The following SIGLEC7 variants were observed in gnomAD, a reference collection of about 807,000 sequenced individuals.
The protein encoded by SIGLEC7 is sialic acid-binding Ig-like lectin 7.
Under a neutral mutation model 40.8 loss-of-function variants are expected in SIGLEC7, and 33 were observed. The ratio of observed to expected loss-of-function variants is 0.81; its 90% confidence interval spans 0.61 to 1.08. The LOEUF (loss-of-function observed/expected upper bound fraction) is 1.08. SIGLEC7 is among the 50% of genes least tolerant of loss of function. The probability of loss-of-function intolerance (pLI) is 0.00; values close to 1 mark genes in which losing one functional copy is unlikely to be tolerated. For synonymous variants in SIGLEC7, 242 were observed against 237.6 expected, an observed-to-expected ratio of 1.02 and a Z score of -0.17; for missense variants, 513 against 576.1, an observed-to-expected ratio of 0.89 and a Z score of 1.12.
chr19:51,144,887 A>G lies in SIGLEC7; in HGVS notation c.713-25A>G, dbSNP rs1428903228. On this transcript the variant is annotated intron_variant, in intron 2 of 6. Coordinates refer to ENST00000317643, the MANE Select transcript of SIGLEC7 (RefSeq NM_014385.4). ...GTGTCCCCAGCCCTCACAGTGATGCAGGTCTCCATGTCTTTCTGTCCCAGA... is the reference window on the plus strand; with the variant it reads ...GTGTCCCCAGCCCTCACAGTGATGCGGGTCTCCATGTCTTTCTGTCCCAGA... 5 of 1,612,904 alleles carry G rather than the reference A, an allele frequency of 3.1e-6. No individual in the cohort carries two copies. In the African/African-American group the frequency reaches 6.7e-5, roughly 22 times the overall value.
In SIGLEC7 at chr19:51,153,270, T is replaced by C. The variant is rs753995128; in HGVS notation, c.*25T>C. On this transcript the variant is annotated 3_prime_UTR_variant, in exon 7 of 7. Transcript: ENST00000317643. Reference sequence around the variant, plus strand: ...AGAAAATGCAGAGGCTCGGGCTTGTTTGAGGGTTCACGACCCCTCCAGCAA... The same window carrying C: ...AGAAAATGCAGAGGCTCGGGCTTGTCTGAGGGTTCACGACCCCTCCAGCAA... 1.9e-5 allele frequency: 29 copies of C among 1,519,100 alleles called. No individual in the cohort carries two copies. The highest frequency in any genetic ancestry group is 2.3e-5 in the Non-Finnish European group (26 of 1,127,976). 94.1% of individuals were successfully genotyped at this position (1,519,100 alleles called of 1,614,324 possible).
In SIGLEC7 at chr19:51,142,879, T is replaced by G; in HGVS notation, c.433+77T>G. ...GGGCACGGCTGAGACGGGACACATGTCCTGGGAGGGGGCCGGGGGTGATGG... is the reference window on the plus strand; with the variant it reads ...GGGCACGGCTGAGACGGGACACATGGCCTGGGAGGGGGCCGGGGGTGATGG... On this transcript the variant is annotated intron_variant, in intron 1 of 6. Coordinates refer to ENST00000317643, the MANE Select transcript of SIGLEC7 (RefSeq NM_014385.4). The surrounding 1 kb of genome is among the most constrained non-coding windows in gnomAD (Gnocchi z 5.0). The G allele has an allele frequency of 6.9e-7, 1 of 1,446,620 alleles. No individual in the cohort carries two copies. The highest frequency in any genetic ancestry group is 9.4e-7 in the Non-Finnish European group (1 of 1,064,908). The allele number at this position is 1,446,620 out of a possible 1,614,324, so 89.6% of individuals were successfully genotyped here. A position where few individuals can be genotyped will look rare whatever the true frequency, so the allele number is the denominator to read the frequency against.
Position 51,144,966 on chromosome 19 carries a change from T to C in SIGLEC7, c.760+7T>C, listed in dbSNP as rs2092097730. 2 of 1,613,896 alleles carry C rather than the reference T, an allele frequency of 1.2e-6. No individual in the cohort carries two copies. Among genetic ancestry groups the C allele is most frequent in the Non-Finnish European group, 1.7e-6 (2 of 1,179,820 alleles). ...TTCCAAGGAGAAGGCACAGGTAGGA[T>C]GGAGCCCCCTCCCTGGGGCTGGGGG... is the stretch of plus-strand genomic sequence containing the variant. On this transcript the variant is annotated splice_region_variant and intron_variant, in intron 3 of 6. Transcript: ENST00000317643.
In SIGLEC7 at chr19:51,145,153, T is replaced by C. The variant is rs1439574857; in HGVS notation, c.760+194T>C. On this transcript the variant is annotated intron_variant, in intron 3 of 6. Transcript: ENST00000317643. The surrounding 1 kb of genome is among the most constrained non-coding windows in gnomAD (Gnocchi z 4.3). ...CTTCCCCCCACTCCCCTCAGACTCT[T>C]GCACACACACCCTCCTCAGCCCTGC... 1.3e-5 allele frequency among the ~76,000 whole-genome samples: 2 copies of C among 152,052 alleles called. No homozygotes were observed. The highest frequency in any genetic ancestry group is 2.9e-5 in the Non-Finnish European group (2 of 67,984).
At chr19:51,146,705 A>G in intron 4 of SIGLEC7, 49 bp from the exon 5 acceptor site, 1 of 1,536,054 alleles carries the variant, frequency 6.5e-7, no homozygotes, top group African/African-American at 1.4e-5. Context: ...AGGAGAAGAG[A>G]CCCAGTTCTT....
At chr19:51,148,461 C>T (rs959959965) in intron 6 of SIGLEC7, among the ~76,000 whole-genome samples, 1 of 152,118 alleles carries the variant, frequency 6.6e-6, no homozygotes, top group African/African-American at 2.4e-5. Context: ...TTCCTGTGTT[C>T]GTTTGCTAAG....
In SIGLEC7 at chr19:51,144,582, C is replaced by T; in HGVS notation, c.610C>T (p.Leu204Phe). Residue 204 changes from leucine (L) to phenylalanine (F), a missense_variant, in exon 2 of 7, where the codon CTC (leucine) becomes TTC (phenylalanine). Coordinates refer to ENST00000317643, the MANE Select transcript of SIGLEC7 (RefSeq NM_014385.4). The part of the protein sequence containing the change: ...PSTTRSSVLT[L>F]IPQPQHHGTS... Reference sequence around the variant, plus strand: ...CACCACCCGCTCCTCAGTGCTCACCCTCATCCCACAGCCCCAGCACCACGG... The same window carrying T: ...CACCACCCGCTCCTCAGTGCTCACCTTCATCCCACAGCCCCAGCACCACGG... 1.2e-6 allele frequency: 2 copies of T among 1,613,946 alleles called. No homozygotes were observed. The highest frequency in any genetic ancestry group is 1.1e-5 in the South Asian group (1 of 91,078).
Position 51,145,877 on chromosome 19 carries a change from C to T in SIGLEC7, c.783C>T (p.Ser261=). 1 of 1,614,212 alleles carries T rather than the reference C, an allele frequency of 6.2e-7. No individual in the cohort carries two copies. The highest frequency in any genetic ancestry group is 2.2e-5 in the East Asian group (1 of 44,884). ...EGTASTALGN[S]SSLSVLEGQS... is the part of the protein sequence containing the mutation. Reference sequence around the variant, plus strand: ...CAGCATCCACAGCTCTGGGGAACAGCTCATCTCTTTCAGTCCTAGAGGGCC... The same window carrying T: ...CAGCATCCACAGCTCTGGGGAACAGTTCATCTCTTTCAGTCCTAGAGGGCC... The change falls in exon 4 of 7, where the codon AGC becomes AGT. Residue 261 remains serine, a synonymous_variant. Transcript: ENST00000317643. The surrounding 1 kb of genome is among the most constrained non-coding windows in gnomAD (Gnocchi z 4.3).
In SIGLEC7 at chr19:51,145,983, C is replaced by A. The variant is rs971763857; in HGVS notation, c.889C>A (p.Pro297Thr). The A allele has an allele frequency of 6.2e-7, 1 of 1,614,214 alleles. No individual in the cohort carries two copies. Among genetic ancestry groups the A allele is most frequent in the Non-Finnish European group, 8.5e-7 (1 of 1,180,040 alleles). Residue 297 changes from proline to threonine, a missense_variant, in exon 4 of 7, where the codon CCC (proline) becomes ACC (threonine). Coordinates refer to ENST00000317643, the MANE Select transcript of SIGLEC7 (RefSeq NM_014385.4). The surrounding 1 kb of genome is among the most constrained non-coding windows in gnomAD (Gnocchi z 4.3). Reference protein sequence around the residue: ...SWTWRSLTLYPSQPSNPLVLE... With the variant: ...SWTWRSLTLYTSQPSNPLVLE... ...GACCTGGAGGAGTCTGACCCTGTAC[C>A]CCTCACAGCCCTCAAACCCTCTGGT...
Position 51,146,219 on chromosome 19 carries a change from T to C in SIGLEC7, c.1027+98T>C, listed in dbSNP as rs898298153. ...TTCAAGGGGGAGCTCAGCTCTGGTCTGTGCTCAGCTGTGAGGCCTGGAACT... is the reference window on the plus strand; with the variant it reads ...TTCAAGGGGGAGCTCAGCTCTGGTCCGTGCTCAGCTGTGAGGCCTGGAACT... On this transcript the variant is annotated intron_variant, in intron 4 of 6. Coordinates refer to ENST00000317643, the MANE Select transcript of SIGLEC7 (RefSeq NM_014385.4). The C allele has an allele frequency of 2.0e-6, 3 of 1,478,850 alleles. No individual in the cohort carries two copies. The South Asian group carries it at 3.9e-5, about 19-fold the overall frequency. The allele number at this position is 1,478,850 out of a possible 1,614,324, so 91.6% of individuals were successfully genotyped here. A position where few individuals can be genotyped will look rare whatever the true frequency, so the allele number is the denominator to read the frequency against.
At chr19:51,151,254 G>T (rs1158464251) in intron 6 of SIGLEC7, among the ~76,000 whole-genome samples, 1 of 152,200 alleles carries the variant, frequency 6.6e-6, no homozygotes, top group East Asian at 1.9e-4. Context: ...AAGGGAGCAA[G>T]AATTACTTCC....
Position 51,151,318 on chromosome 19 carries a change from G to C in SIGLEC7, c.1222-1745G>C, listed in dbSNP as rs2092141948. Among the ~76,000 whole-genome samples, 7 of 152,364 alleles carry C rather than the reference G, an allele frequency of 4.6e-5. 1 individual carries two copies. In the South Asian group the frequency reaches 1.4e-3, roughly 32 times the overall value. ...TGGAGGTGCCAATCATTGAGGCTGA[G>C]AAGATTGCAGAAGAAATGGATTTGG... On this transcript the variant is annotated intron_variant, in intron 6 of 6. Transcript: ENST00000317643.
chr19:51,147,676 T>C (rs953118074), intron 6 of SIGLEC7, among the ~76,000 whole-genome samples: 9 of 152,112 alleles, frequency 5.9e-5, no homozygotes, highest in Admixed American at 5.9e-4. Context: ...ATCTCTGTCT[T>C]GGACTTCCTC....
At position 51,147,220 on chromosome 19, in the gene SIGLEC7, G is replaced by T; in HGVS notation, c.1125-1G>T. ...AAAGGCTCTCTGGTCTCTTCACTCA[G>T]AGTGAGGTCCTGCAGGAAGAAATCG... On this transcript the variant is annotated splice_acceptor_variant, in intron 5 of 6. Transcript: ENST00000317643. LOFTEE classifies it high-confidence loss of function. 1 of 1,612,298 alleles carries T rather than the reference G, an allele frequency of 6.2e-7. No homozygotes were observed.
intron 6 of SIGLEC7, among the ~76,000 whole-genome samples, chr19:51,149,550 C>T (rs575248810): frequency 2.4e-4 from 36 of 152,302 alleles, no homozygotes; most frequent in African/African-American, 8.7e-4. Flanking sequence ...GTTTTGGTTA[C>T]TGTAGACTTG....
intron 6 of SIGLEC7, among the ~76,000 whole-genome samples, chr19:51,150,290 G>A (rs1336262167): frequency 6.6e-6 from 1 of 152,174 alleles, no homozygotes; most frequent in Non-Finnish European, 1.5e-5. Flanking sequence ...GTTCACCATA[G>A]ATAGCTCTTA....
chr19:51,143,785 G>T, intron 1 of SIGLEC7: 2 of 298,392 alleles, frequency 6.7e-6, no homozygotes, highest in East Asian at 1.1e-4. Context: ...CAAATGAAGA[G>T]AGGGACAGTC....
chr19:51,150,946 A>G (rs2092138959), intron 6 of SIGLEC7, among the ~76,000 whole-genome samples: 1 of 152,232 alleles, frequency 6.6e-6, no homozygotes, highest in East Asian at 1.9e-4. Context: ...GCAGAAGGAC[A>G]TGATCAGACG....
In SIGLEC7 at chr19:51,145,494, T is replaced by G. The variant is rs1568620623; in HGVS notation, c.761-361T>G. Among the ~76,000 whole-genome samples, 1 of 152,204 alleles carries G rather than the reference T, an allele frequency of 6.6e-6. No homozygotes were observed. Among genetic ancestry groups the G allele is most frequent in the Non-Finnish European group, 1.5e-5 (1 of 68,034 alleles). ...GATGTGTGTGATTCCACTGTCTGAA[T>G]AGTCTCTGATTTTGTGGCATCTCCT... is the stretch of plus-strand genomic sequence containing the variant. On this transcript the variant is annotated intron_variant, in intron 3 of 6. Transcript: ENST00000317643. The surrounding 1 kb of genome is among the most constrained non-coding windows in gnomAD (Gnocchi z 4.3).
Sources: allele counts gnomAD v4.1 joint callset (sites outside exome capture counted in the v4.1 genomes callset), GRCh38; gene constraint gnomAD v4.1.1; non-coding constraint Gnocchi (gnomAD v3.1); transcripts MANE v1.5; gene names NCBI Gene and HGNC (gene_info 2026-07-23, HGNC 2026-07-21).